The following CCDC186 variants were observed in gnomAD, a reference collection of about 807,000 sequenced individuals.
CCDC186 encodes coiled-coil domain containing 186.
Under a neutral mutation model 113.7 loss-of-function variants are expected in CCDC186, and 49 were observed. That is an observed-to-expected ratio of 0.43 (90% CI 0.34 to 0.55). The LOEUF is 0.55. CCDC186 is among the 20% of genes least tolerant of loss of function. The probability of loss-of-function intolerance (pLI) is 0.02; values close to 1 mark genes in which losing one functional copy is unlikely to be tolerated. For synonymous variants in CCDC186, 355 were observed against 345.8 expected, an observed-to-expected ratio of 1.03 and a Z score of -0.30; for missense variants, 890 against 1,011.1, an observed-to-expected ratio of 0.88 and a Z score of 1.62.
chr10:114,139,170 C>T (rs1043627917), intron 6 of CCDC186, among the ~76,000 whole-genome samples: 6 of 151,854 alleles, frequency 4.0e-5, no homozygotes, highest in Non-Finnish European at 8.8e-5. Flanking sequence ...AGGTTGGGTT[C>T]CCCAAATACC....
chr10:114,172,751 TA>T (rs1296892909), intron 1 of CCDC186, among the ~76,000 whole-genome samples: 31 of 152,218 alleles, frequency 2.0e-4, no homozygotes, highest in African/African-American at 7.2e-4. Context: ...AGACCAGAAA[TA>T]AAAGAGAAAA....
At chr10:114,148,313 A>G (rs1201484387) in intron 4 of CCDC186, among the ~76,000 whole-genome samples, 3 of 152,196 alleles carry the variant, frequency 2.0e-5, no homozygotes, top group Non-Finnish European at 4.4e-5. Flanking sequence ...CCTACCTCAC[A>G]GCATCATTGG....
rs183335652 is a variant in CCDC186, at chr10:114,123,614, G to A, written c.*1529C>T. 43 of 152,074 alleles carry A rather than the reference G, an allele frequency of 2.8e-4. No homozygotes were observed. The highest frequency in any genetic ancestry group is 8.9e-4 in the African/African-American group (37 of 41,500). 9.4% of individuals were successfully genotyped at this position (152,074 alleles called of 1,614,324 possible). On this transcript the variant is annotated 3_prime_UTR_variant, in exon 16 of 16. Transcript: ENST00000369287. ...GCTGCAATATCTGCATAAGAGCCAC[G>A]GTATCTTATTATAGTAATGATCTGA...
chr10:114,172,359 G>A (rs1032696759), intron 1 of CCDC186, among the ~76,000 whole-genome samples: 2 of 152,198 alleles, frequency 1.3e-5, no homozygotes, highest in Non-Finnish European at 2.9e-5. Context: ...GCAAATAGAT[G>A]TTTCTAAACT....
intron 6 of CCDC186, among the ~76,000 whole-genome samples, chr10:114,141,084 G>C (rs761577235): frequency 6.6e-6 from 1 of 151,148 alleles, no homozygotes; most frequent in Non-Finnish European, 1.5e-5. Context: ...TGTAGAGATG[G>C]GGACCTCGCT....
In CCDC186 at chr10:114,174,196, A is replaced by C. The variant is rs1194393394; in HGVS notation, c.-243T>G. ...AAACCCCTGCGGAGCTGACACATCA[A>C]CAAAGATGGCGGCGACACTGAAGCC... On this transcript the variant is annotated 5_prime_UTR_variant, in exon 1 of 16. Transcript: ENST00000369287. The C allele has an allele frequency of 2.3e-6, 1 of 437,666 alleles. No individual in the cohort carries two copies. The highest frequency in any genetic ancestry group is 7.1e-5 in the East Asian group (1 of 14,054). 27.1% of individuals were successfully genotyped at this position (437,666 alleles called of 1,614,324 possible).
chr10:114,125,458 A>C (rs1040527952), intron 15 of CCDC186, among the ~76,000 whole-genome samples: 1 of 152,172 alleles, frequency 6.6e-6, no homozygotes. Context: ...TAATGCATAA[A>C]ATGATTACTT....
At chr10:114,139,532 C>T (rs2119743058) in intron 6 of CCDC186, among the ~76,000 whole-genome samples, 1 of 145,774 alleles carries the variant, frequency 6.9e-6, no homozygotes, top group South Asian at 2.2e-4. Flanking sequence ...CACTGCACTC[C>T]AGCCTAGGCA....
chr10:114,131,119 A>G, intron 12 of CCDC186, 28 bp downstream of exon 12: 4 of 1,385,996 alleles, frequency 2.9e-6, no homozygotes, highest in Non-Finnish European at 3.8e-6. Context: ...AAACACATTC[A>G]TGGTCTAAGT....
At chr10:114,144,780 T>C (rs2031585179) in intron 5 of CCDC186, among the ~76,000 whole-genome samples, 164 bp from the exon 6 acceptor site, 1 of 152,032 alleles carries the variant, frequency 6.6e-6, no homozygotes, top group South Asian at 2.1e-4. Flanking sequence ...GAGAAGAGGG[T>C]AGTAAAATCC....
Position 114,145,520 on chromosome 10 carries a change from C to A in CCDC186, c.1101+29G>T, listed in dbSNP as rs369553074. The A allele has an allele frequency of 9.9e-6, 15 of 1,521,838 alleles. No homozygotes were observed. In the Middle Eastern group the frequency reaches 9.7e-4, roughly 98 times the overall value. The allele number at this position is 1,521,838 out of a possible 1,614,324, so 94.3% of individuals were successfully genotyped here. The stretch of plus-strand genomic sequence containing the variant: ...AAAGAGAACAAATTTCAAATAAGGT[C>A]AACATATTTCAAATGGCACAAGTTA... On this transcript the variant is annotated intron_variant, in intron 5 of 15. Transcript: ENST00000369287.
At chr10:114,155,399 G>C (rs761090884) in intron 3 of CCDC186, among the ~76,000 whole-genome samples, 13 of 152,288 alleles carry the variant, frequency 8.5e-5, no homozygotes, top group South Asian at 2.1e-4. Flanking sequence ...AAGAAGCTGG[G>C]CGCAGTGGCT....
At chr10:114,137,032 G>A (rs1202923585) in intron 7 of CCDC186, among the ~76,000 whole-genome samples, 154 bp downstream of exon 7, 2 of 152,050 alleles carry the variant, frequency 1.3e-5, no homozygotes, top group East Asian at 1.9e-4. Context: ...CAGGAGAATC[G>A]CTTGTACCCG....
intron 15 of CCDC186, 26 bp from the exon 16 acceptor site, chr10:114,125,252 G>C: frequency 1.3e-6 from 2 of 1,507,956 alleles, no homozygotes; most frequent in South Asian, 1.2e-5. Flanking sequence ...TGAGGGGAAA[G>C]GGAAGAGAAA....
Position 114,127,523 on chromosome 10 carries a change from T to C in CCDC186, c.2331A>G (p.Glu777=). Reference sequence around the variant, plus strand: ...TGTGGTCCTCCATAAATTCTATCTTTTCATTTTTCCGGGCATGTGCTTTTT... The same window carrying C: ...TGTGGTCCTCCATAAATTCTATCTTCTCATTTTTCCGGGCATGTGCTTTTT... ...RLQKAHARKN[E]KIEFMEDHIK... is the part of the protein sequence containing the mutation. Residue 777 remains glutamate, a synonymous_variant, in exon 14 of 16, where the codon GAA becomes GAG. Coordinates refer to ENST00000369287, the MANE Select transcript of CCDC186 (RefSeq NM_018017.4). The C allele has an allele frequency of 6.2e-7, 1 of 1,614,096 alleles. No individual in the cohort carries two copies. Among genetic ancestry groups the C allele is most frequent in the Non-Finnish European group, 8.5e-7 (1 of 1,180,000 alleles).
Position 114,121,977 on chromosome 10 carries a change from A to G in CCDC186, c.*3166T>C, listed in dbSNP as rs1351774708. On this transcript the variant is annotated 3_prime_UTR_variant, in exon 16 of 16. Coordinates refer to ENST00000369287, the MANE Select transcript of CCDC186 (RefSeq NM_018017.4). ...CAGCCATGTGCCACTGCATCTGGCT[A>G]ATTTTTTAATCTTTTGTACACATGG... 6.6e-6 allele frequency: 1 copy of G among 152,144 alleles called. No homozygotes were observed. Among genetic ancestry groups the G allele is most frequent in the Non-Finnish European group, 1.5e-5 (1 of 68,082 alleles). The allele number at this position is 152,144 out of a possible 1,614,324, so 9.4% of individuals were successfully genotyped here. A position where few individuals can be genotyped will look rare whatever the true frequency, so the allele number is the denominator to read the frequency against.
intron 2 of CCDC186, among the ~76,000 whole-genome samples, chr10:114,160,919 C>T (rs1437222704): frequency 6.6e-6 from 1 of 152,098 alleles, no homozygotes; most frequent in African/African-American, 2.4e-5. Flanking sequence ...GTGTAATGTC[C>T]TAATGTCCAC....
upstream of CCDC186, chr10:114,174,213 A>G (rs1456855412): frequency 2.4e-6 from 1 of 425,270 alleles, no homozygotes; most frequent in Non-Finnish European, 4.9e-6. Flanking sequence ...TGGCGGCGAC[A>G]CTGAAGCCGG....
chr10:114,150,989 A>C (rs1448665649), intron 4 of CCDC186, 103 bp downstream of exon 4: 1 of 1,343,160 alleles, frequency 7.4e-7, no homozygotes, highest in Non-Finnish European at 1.0e-6. Context: ...ACCTAGTATT[A>C]ATACAATAGT....
Sources: allele counts gnomAD v4.1 joint callset (sites outside exome capture counted in the v4.1 genomes callset), GRCh38; gene constraint gnomAD v4.1.1; transcripts MANE v1.5; gene names NCBI Gene and HGNC (gene_info 2026-07-23, HGNC 2026-07-21).